The following VWA5A variants were observed in gnomAD, a reference collection of about 807,000 sequenced individuals.
VWA5A encodes the protein von Willebrand factor A domain containing 5A.
In VWA5A, 77 loss-of-function variants were observed where a neutral mutation model predicts 84.6. That is an observed-to-expected ratio of 0.91 (90% CI 0.76 to 1.10). VWA5A has a LOEUF of 1.10. Among genes scored for constraint, VWA5A ranks in the 50% least tolerant of loss-of-function variants. The probability of loss-of-function intolerance (pLI) is 0.00; values close to 1 mark genes in which losing one functional copy is unlikely to be tolerated. For synonymous variants in VWA5A, 334 were observed against 350.1 expected (o/e 0.95, Z 0.51); for missense variants, 973 against 963.0 (o/e 1.01, Z -0.14).
chr11:124,119,278 G>A (rs181106421), intron 7 of VWA5A, among the ~76,000 whole-genome samples, 189 bp downstream of exon 7: 2 of 152,288 alleles, frequency 1.3e-5, no homozygotes, highest in East Asian at 3.9e-4. Flanking sequence ...TGTCTTGTAG[G>A]CAAATTTAAG....
chr11:124,141,611 C>T lies in VWA5A; in HGVS notation c.1893C>T (p.Ala631=), dbSNP rs1169762386. The T allele has an allele frequency of 1.2e-6, 2 of 1,613,918 alleles. No individual in the cohort carries two copies. The highest frequency in any genetic ancestry group is 1.1e-5 in the South Asian group (1 of 91,072). Residue 631 remains alanine (A), a synonymous_variant, in exon 16 of 19, where the codon GCC becomes GCT. Coordinates refer to ENST00000456829, the MANE Select transcript of VWA5A (RefSeq NM_001130142.2). The part of the protein sequence containing the change: ...KIKCQSGFRK[A]LHSDRPPSAS... ...GGATTTTTTCAGGTTTTCGAAAGGCCTTACACTCTGACCGTCCTCCTTCTG... is the reference window on the plus strand; with the variant it reads ...GGATTTTTTCAGGTTTTCGAAAGGCTTTACACTCTGACCGTCCTCCTTCTG...
At chr11:124,132,727 A>G (rs1034399501) in intron 11 of VWA5A, among the ~76,000 whole-genome samples, 1 of 152,072 alleles carries the variant, frequency 6.6e-6, no homozygotes, top group Non-Finnish European at 1.5e-5. Flanking sequence ...ACTTTCTATC[A>G]TATAAGTGTT....
intron 17 of VWA5A, among the ~76,000 whole-genome samples, chr11:124,144,948 C>T (rs1860792299): frequency 6.6e-6 from 1 of 152,006 alleles, no homozygotes; most frequent in Non-Finnish European, 1.5e-5. Context: ...AGCAGTTTTG[C>T]CTGTGTTTCT....
chr11:124,134,452 T>C (rs892523452), intron 11 of VWA5A, among the ~76,000 whole-genome samples: 3 of 152,184 alleles, frequency 2.0e-5, no homozygotes, highest in African/African-American at 7.2e-5. Context: ...GCAAGAACTC[T>C]CCATTTAGAA....
chr11:124,129,544 A>C (rs538736212), intron 11 of VWA5A, among the ~76,000 whole-genome samples: 1 of 152,312 alleles, frequency 6.6e-6, no homozygotes, highest in South Asian at 2.1e-4. Flanking sequence ...GAATAGTTTC[A>C]GAAGGAATGG....
At position 124,141,739 on chromosome 11, in the gene VWA5A, C is replaced by G; in HGVS notation, c.2021C>G (p.Pro674Arg). ...GLISHKDQHS[P>R]GFGENHLVQL... ...ATAAGTCACAAGGACCAGCACAGTC[C>G]AGGTGAGTACCTTTATAGGAACATT... The change falls in exon 16 of 19, where the codon CCA (proline) becomes CGA (arginine). Residue 674 changes from proline (P) to arginine (R), a missense_variant and splice_region_variant. Pro to Arg is a moderately radical substitution (Grantham distance 103). Transcript: ENST00000456829. 6.2e-7 allele frequency: 1 copy of G among 1,613,652 alleles called. No individual in the cohort carries two copies. Among genetic ancestry groups the G allele is most frequent in the Non-Finnish European group, 8.5e-7 (1 of 1,179,840 alleles).
intron 11 of VWA5A, among the ~76,000 whole-genome samples, chr11:124,127,626 C>T (rs1471729240): frequency 1.3e-5 from 2 of 152,156 alleles, no homozygotes; most frequent in African/African-American, 4.8e-5. Flanking sequence ...ATTTACACTC[C>T]CACAAACAGT....
intron 18 of VWA5A, 133 bp from the exon 19 acceptor site, chr11:124,145,733 G>T: frequency 1.1e-6 from 1 of 924,410 alleles, no homozygotes; most frequent in Non-Finnish European, 1.6e-6. Flanking sequence ...AGGAGAATCT[G>T]GGTAGCAAGA....
At chr11:124,140,560 C>T (rs1315438813) in intron 15 of VWA5A, among the ~76,000 whole-genome samples, 4 of 152,012 alleles carry the variant, frequency 2.6e-5, no homozygotes, top group Non-Finnish European at 5.9e-5. Context: ...ATCTCTTGGG[C>T]TAAAGTGATT....
At chr11:124,121,739 A>C (rs1864935051) in intron 7 of VWA5A, among the ~76,000 whole-genome samples, 1 of 152,234 alleles carries the variant, frequency 6.6e-6, no homozygotes. Flanking sequence ...AATTTGAGCC[A>C]GGCTAAAATT....
chr11:124,118,667 A>C lies in VWA5A; in HGVS notation c.604A>C (p.Ser202Arg). The change falls in exon 6 of 19, where the codon AGT becomes CGT. Residue 202 changes from serine (S) to arginine (R), a missense_variant. Transcript: ENST00000456829. ...IEKVQSNCPL[S>R]PTEYLGEDKT... is the part of the protein sequence containing the mutation. The stretch of plus-strand genomic sequence containing the variant: ...GAAGGTCCAATCCAACTGCCCCTTG[A>C]GTCCTACCGAGTACCTAGGAGAGGA... The C allele has an allele frequency of 6.2e-7, 1 of 1,614,102 alleles. No homozygotes were observed.
intron 7 of VWA5A, among the ~76,000 whole-genome samples, chr11:124,120,155 TCTAAGA>T (rs952525375): frequency 6.6e-6 from 1 of 152,214 alleles, no homozygotes; most frequent in African/African-American, 2.4e-5. Flanking sequence ...CTTCTTAATT[TCTAAGA>T]CTAAGTTTAG....
At chr11:124,125,978 T>C (rs1591359517) in intron 11 of VWA5A, among the ~76,000 whole-genome samples, 1 of 152,242 alleles carries the variant, frequency 6.6e-6, no homozygotes, top group East Asian at 1.9e-4. Flanking sequence ...CCCTATTCCA[T>C]TTATGGAAAA....
rs1347618227 is a variant in VWA5A at position 124,136,497 on chromosome 11, C to T, written c.1525-77C>T. 2.0e-6 allele frequency: 3 copies of T among 1,491,052 alleles called. No homozygotes were observed. In the African/African-American group the frequency reaches 4.2e-5, roughly 21 times the overall value. The allele number at this position is 1,491,052 out of a possible 1,614,324, so 92.4% of individuals were successfully genotyped here. On this transcript the variant is annotated intron_variant, in intron 13 of 18. Transcript: ENST00000456829. ...TATTTTCATACATTGTTTTGGGTACCTGCCCCTGTTCTGATCCTTCCATGG... is the reference window on the plus strand; with the variant it reads ...TATTTTCATACATTGTTTTGGGTACTTGCCCCTGTTCTGATCCTTCCATGG...
chr11:124,136,773 C>A, intron 14 of VWA5A, 99 bp downstream of exon 14: 2 of 901,076 alleles, frequency 2.2e-6, no homozygotes, highest in East Asian at 2.9e-5. Context: ...TCCCTCCCTC[C>A]CTCCCTCCTT....
rs767904905 is a variant in VWA5A, at chr11:124,137,028, C to G, written c.1639C>G (p.Arg547Gly). Residue 547 changes from arginine (R) to glycine (G), a missense_variant, in exon 15 of 19, where the codon CGC becomes GGC. Transcript: ENST00000456829. ...TTTTCCTTTCAGCCTCACCATTCAC[C>G]GCCTTGCTGCCAAGTCCTTGCTCCA... ...PKPDVNLTIH[R>G]LAAKSLLQTK... The G allele has an allele frequency of 2.5e-6, 4 of 1,612,552 alleles. No individual in the cohort carries two copies. The highest frequency in any genetic ancestry group is 1.7e-4 in the Middle Eastern group (1 of 6,054).
Position 124,137,084 on chromosome 11 carries a change from A to C in VWA5A, c.1695A>C (p.Pro565=), listed in dbSNP as rs1860621333. 2 of 1,613,546 alleles carry C rather than the reference A, an allele frequency of 1.2e-6. No homozygotes were observed. The highest frequency in any genetic ancestry group is 1.7e-6 in the Non-Finnish European group (2 of 1,179,906). The change falls in exon 15 of 19, where the codon CCA becomes CCC. Residue 565 remains proline, a synonymous_variant. Transcript: ENST00000456829. The part of the protein sequence containing the change: ...QTKDMGLRET[P]ASDKKDALNL... ...AGGACATGGGCCTCAGGGAGACTCC[A>C]GCAAGTGATAAAAAAGATGCATTGA...
chr11:124,117,880 T>C lies in VWA5A; in HGVS notation c.246+5T>C, dbSNP rs376089416. The C allele has an allele frequency of 1.2e-6, 2 of 1,614,008 alleles. No individual in the cohort carries two copies. On this transcript the variant is annotated splice_donor_5th_base_variant and intron_variant, in intron 4 of 18. Coordinates refer to ENST00000456829, the MANE Select transcript of VWA5A (RefSeq NM_001130142.2). Reference sequence around the variant, plus strand: ...GAATTACAAGACAAGATGAAGGTAGTAGAGATTACCTCCTCCCTTCTTATT... The same window carrying C: ...GAATTACAAGACAAGATGAAGGTAGCAGAGATTACCTCCTCCCTTCTTATT...
At chr11:124,117,228 A>C in intron 2 of VWA5A, 1 of 518,004 alleles carries the variant, frequency 1.9e-6, no homozygotes, top group Non-Finnish European at 3.4e-6. Context: ...AGAAAGTGGA[A>C]TTGGTATTTG....
Sources: allele counts gnomAD v4.1 joint callset (sites outside exome capture counted in the v4.1 genomes callset), GRCh38; gene constraint gnomAD v4.1.1; transcripts MANE v1.5; gene names NCBI Gene and HGNC (gene_info 2026-07-23, HGNC 2026-07-21).